MAP4: variants seen among roughly 807,000 people sequenced by gnomAD.
MAP4 encodes the protein microtubule associated protein 4.
In MAP4, 76 loss-of-function variants were observed where a neutral mutation model predicts 170.2. That is an observed-to-expected ratio of 0.45 (90% CI 0.37 to 0.54). The LOEUF is 0.54. Among genes scored for constraint, MAP4 ranks in the 20% least tolerant of loss-of-function variants. The pLI, the probability that MAP4 is intolerant of heterozygous loss-of-function variation, is 0.00. For missense variants in MAP4, 2,506 were observed against 2,748.0 expected (o/e 0.91, Z 1.97); for synonymous variants, 909 against 994.5 (o/e 0.91, Z 1.62).
intron 3 of MAP4, among the ~76,000 whole-genome samples, chr3:47,951,287 A>G (rs997599916): frequency 2.0e-5 from 3 of 152,082 alleles, no homozygotes; most frequent in African/African-American, 7.2e-5. Flanking sequence ...TTTTTAAAGT[A>G]TCTCACTTTT....
At chr3:47,951,775 G>A (rs1379897472) in intron 3 of MAP4, among the ~76,000 whole-genome samples, 12 of 151,994 alleles carry the variant, frequency 7.9e-5, no homozygotes, top group African/African-American at 1.7e-4. Context: ...CAGCCACCCC[G>A]TCTGGGAAGT....
At chr3:47,973,271 AAG>A (rs954062113) in intron 3 of MAP4, 2 of 985,032 alleles carry the variant, frequency 2.0e-6, no homozygotes, top group African/African-American at 1.7e-5. Flanking sequence ...AGGAAAAAAA[AAG>A]AGAGAGAGAA....
intron 3 of MAP4, among the ~76,000 whole-genome samples, chr3:47,940,275 A>T (rs573706498): frequency 6.6e-6 from 1 of 152,316 alleles, no homozygotes; most frequent in Admixed American, 6.5e-5. Context: ...AGCATGTTTG[A>T]CCAGAGGCTC....
chr3:47,917,121 C>G lies in MAP4; in HGVS notation c.706G>C (p.Ala236Pro), dbSNP rs752216071. Residue 236 changes from alanine to proline, a missense_variant, in exon 7 of 21, where the codon GCA (alanine) becomes CCA (proline). Transcript: ENST00000683076. ...CCCATCATTATTTCCAATGCTTGTGCTGGTGGCCTCTCTTCTGATGCCATT... is the reference window on the plus strand; with the variant it reads ...CCCATCATTATTTCCAATGCTTGTGGTGGTGGCCTCTCTTCTGATGCCATT... ...IEMASEERPP[A>P]QALEIMMGLK... is the part of the protein sequence containing the mutation. 3.1e-6 allele frequency: 5 copies of G among 1,613,978 alleles called. No homozygotes were observed. The Admixed American group carries it at 5.0e-5, about 16-fold the overall frequency.
chr3:48,033,976 TGA>T (rs2100117501), intron 1 of MAP4, among the ~76,000 whole-genome samples: 3 of 152,226 alleles, frequency 2.0e-5, no homozygotes. Flanking sequence ...TAATCACATC[TGA>T]AGATAATGAT....
intron 1 of MAP4, among the ~76,000 whole-genome samples, chr3:48,000,257 G>T (rs560603418): frequency 4.5e-4 from 64 of 140,778 alleles, no homozygotes; most frequent in Middle Eastern, 4.1e-3. Context: ...AGAGCCAAAG[G>T]CCTGCAATAA....
rs550661132 is a variant in MAP4 at position 47,932,238 on chromosome 3, C to T, written c.293-3888G>A. On this transcript the variant is annotated intron_variant, in intron 3 of 20. Transcript: ENST00000683076. ...TAGCACAATGTTTTCAAGGTTCATC[C>T]ATGCTGTAGTATGGTAACTGAACTT... is the stretch of plus-strand genomic sequence containing the variant. Among the ~76,000 whole-genome samples, 6 of 152,306 alleles carry T rather than the reference C, an allele frequency of 3.9e-5. No homozygotes were observed. The South Asian group carries it at 1.2e-3, about 32-fold the overall frequency.
At chr3:47,877,368 C>A in intron 11 of MAP4, 49 bp downstream of exon 11, 3 of 1,378,298 alleles carry the variant, frequency 2.2e-6, no homozygotes, top group Non-Finnish European at 3.1e-6. Flanking sequence ...AGAAGATACT[C>A]CGTTTAAAAA....
intron 1 of MAP4, among the ~76,000 whole-genome samples, chr3:48,073,301 AC>A (rs2100141960): frequency 1.6e-5 from 2 of 124,620 alleles, no homozygotes; most frequent in Admixed American, 8.2e-5. Context: ...ACACACACAC[AC>A]ACAAATTAGC....
chr3:48,050,400 C>T (rs950775834), intron 1 of MAP4, among the ~76,000 whole-genome samples: 2 of 151,462 alleles, frequency 1.3e-5, no homozygotes, highest in African/African-American at 4.9e-5. Context: ...ATCAACAACC[C>T]AACAGAAAAA....
intron 10 of MAP4, among the ~76,000 whole-genome samples, chr3:47,899,137 A>C (rs1219421100): frequency 6.6e-6 from 1 of 152,180 alleles, no homozygotes; most frequent in African/African-American, 2.4e-5. Flanking sequence ...GGATGAGGTA[A>C]ATACATGAAG....
chr3:47,901,629 G>A (rs2100030051), intron 10 of MAP4, among the ~76,000 whole-genome samples: 1 of 150,778 alleles, frequency 6.6e-6, no homozygotes, highest in Admixed American at 6.6e-5. Context: ...AGCTGAGACT[G>A]TACCACTGCA....
At chr3:47,923,341 T>G (rs983854480) in intron 4 of MAP4, among the ~76,000 whole-genome samples, 11 of 151,432 alleles carry the variant, frequency 7.3e-5, no homozygotes, top group African/African-American at 2.7e-4. Flanking sequence ...GTAAGAAATT[T>G]CAGGATTAGG....
In MAP4 at chr3:47,949,462, T is replaced by TC. The variant is rs1297110133; in HGVS notation, c.293-21113dup. On this transcript the variant is annotated intron_variant, in intron 3 of 20. Transcript: ENST00000683076. The stretch of plus-strand genomic sequence containing the variant: ...ACCTGGGCAACAGAGCAAGACTGCG[T>TC]CCCAAAAAAAAAAAAAAAAAAAAAA... Among the ~76,000 whole-genome samples, 6 of 73,640 alleles carry TC rather than the reference T, an allele frequency of 8.1e-5. No individual in the cohort carries two copies. The East Asian group carries it at 1.1e-3, about 14-fold the overall frequency. 48.3% of individuals were successfully genotyped at this position (73,640 alleles called of 152,430 possible). A position where few individuals can be genotyped will look rare whatever the true frequency, so the allele number is the denominator to read the frequency against.
At position 47,877,534 on chromosome 3, in the gene MAP4, AGG is replaced by A. The variant is rs1465333144; in HGVS notation, c.5435-13_5435-12del. 7 of 1,581,924 alleles carry A rather than the reference AGG, an allele frequency of 4.4e-6. No individual in the cohort carries two copies. The highest frequency in any genetic ancestry group is 6.1e-6 in the Non-Finnish European group (7 of 1,153,814). On this transcript the variant is annotated splice_polypyrimidine_tract_variant and intron_variant, in intron 10 of 20. Transcript: ENST00000683076. ...CTGGCCTGGCTATTCCTAAGGGGAGAGGGTGAGTGGGAATTATGCTAAGCAAA... is the reference window on the plus strand; with the variant it reads ...CTGGCCTGGCTATTCCTAAGGGGAGAGTGAGTGGGAATTATGCTAAGCAAA...
intron 1 of MAP4, among the ~76,000 whole-genome samples, chr3:48,057,799 G>GC (rs2100133060): frequency 2.0e-5 from 3 of 152,108 alleles, no homozygotes; most frequent in African/African-American, 7.2e-5. Flanking sequence ...CCATGATTCT[G>GC]CAAGAAATTT....
intron 7 of MAP4, 93 bp downstream of exon 7, chr3:47,915,858 G>T: frequency 7.2e-7 from 1 of 1,384,316 alleles, no homozygotes; most frequent in Non-Finnish European, 9.8e-7. Flanking sequence ...CAGTGTGACT[G>T]TCTGTACTTT....
At chr3:48,042,637 T>C (rs1579489156) in intron 1 of MAP4, among the ~76,000 whole-genome samples, 1 of 152,076 alleles carries the variant, frequency 6.6e-6, no homozygotes, top group East Asian at 1.9e-4. Context: ...TGGCAAGAAC[T>C]GGAACCCTCA....
In MAP4 at chr3:47,948,948, A is replaced by G. The variant is rs567117235; in HGVS notation, c.293-20598T>C. 2.1e-4 allele frequency among the ~76,000 whole-genome samples: 32 copies of G among 152,260 alleles called. No homozygotes were observed. In the South Asian group the frequency reaches 6.2e-3, roughly 30 times the overall value. On this transcript the variant is annotated intron_variant, in intron 3 of 20. Transcript: ENST00000683076. ...TCAATTTTCTTAAACCAAATCAAAT[A>G]AGGTGTCCTTTAACTCAGCCACTCA...
Sources: allele counts gnomAD v4.1 joint callset (sites outside exome capture counted in the v4.1 genomes callset), GRCh38; gene constraint gnomAD v4.1.1; transcripts MANE v1.5; gene names NCBI Gene and HGNC (gene_info 2026-07-23, HGNC 2026-07-21).